The following AEN variants were observed in gnomAD, a reference collection of about 807,000 sequenced individuals.
AEN encodes the protein apoptosis-enhancing nuclease.
Under a neutral mutation model 17.7 loss-of-function variants are expected in AEN, and 21 were observed. The ratio of observed to expected loss-of-function variants is 1.19; its 90% CI spans 0.84 to 1.71. The LOEUF is 1.71. Ranked by LOEUF, AEN falls within the 40% of genes most tolerant of loss-of-function variation. The pLI, the probability that AEN is intolerant of heterozygous loss-of-function variation, is 0.00. For synonymous variants in AEN, 190 were observed against 173.0 expected (o/e 1.10, Z -0.77); for missense variants, 462 against 435.9 (o/e 1.06, Z -0.53).
chr15:88,630,239 AC>A lies in AEN; in HGVS notation c.925del (p.Leu309TrpfsTer62). The A allele has an allele frequency of 6.2e-7, 1 of 1,601,536 alleles. No homozygotes were observed. Among genetic ancestry groups the A allele is most frequent in the South Asian group, 1.1e-5 (1 of 89,286 alleles). On this transcript the variant is annotated frameshift_variant, in exon 4 of 4. Transcript: ENST00000332810. LOFTEE classifies it low-confidence loss of function (END_TRUNC). The surrounding 1 kb of genome is among the most constrained non-coding windows in gnomAD (Gnocchi z 5.1). ...ATGGAGGACCAGTACTGGCCCGATGACCTGGCCCACGGCAGCAGAGGAGGAG... is the reference window on the plus strand; with the variant it reads ...ATGGAGGACCAGTACTGGCCCGATGACTGGCCCACGGCAGCAGAGGAGGAG... ...QYMEDQYWPD[D>X]LAHGSRGGAR...
chr15:88,608,402 C>T, the AEN span, among the ~76,000 whole-genome samples: 1 of 152,204 alleles, frequency 6.6e-6, no homozygotes, highest in African/African-American at 2.4e-5. Context: ...GGCTTTTTTC[C>T]CCCTTCATTT....
chr15:88,629,905 A>C (rs3826039), intron 3 of AEN, among the ~76,000 whole-genome samples, 153 bp from the exon 4 acceptor site: 87,466 of 152,164 alleles, frequency 0.57, 29,165 homozygotes, highest in East Asian at 0.78. Flanking sequence ...TATGGTGTAC[A>C]GTTGAGGTTC....
At chr15:88,628,950 GT>G (rs1567105562) in intron 2 of AEN, 3 of 404,032 alleles carry the variant, frequency 7.4e-6, no homozygotes, top group East Asian at 9.6e-5. Context: ...CCATGACCTC[GT>G]TTAGTCCTTA....
the AEN span, among the ~76,000 whole-genome samples, chr15:88,608,553 T>G: frequency 6.6e-6 from 1 of 152,298 alleles, no homozygotes; most frequent in Non-Finnish European, 1.5e-5. Flanking sequence ...CTTTTGGAGA[T>G]GAAGATGGAA....
chr15:88,609,895 CG>C, the AEN span, among the ~76,000 whole-genome samples: 1 of 152,320 alleles, frequency 6.6e-6, no homozygotes, highest in South Asian at 2.1e-4. Flanking sequence ...TCATTTATCA[CG>C]GGCCAGGCTG....
chr15:88,617,330 T>C (rs1346734539), upstream of AEN, among the ~76,000 whole-genome samples: 1 of 152,190 alleles, frequency 6.6e-6, no homozygotes, highest in Non-Finnish European at 1.5e-5. Flanking sequence ...CTTGGCTCGC[T>C]GCAACCTCTA....
chr15:88,612,487 A>G, the AEN span, among the ~76,000 whole-genome samples: 1 of 152,180 alleles, frequency 6.6e-6, no homozygotes, highest in African/African-American at 2.4e-5. Context: ...TGGCCAAGGG[A>G]AAAAAGCCCA....
At chr15:88,627,454 TG>T (rs1163451800) in intron 2 of AEN, 2 of 131,614 alleles carry the variant, frequency 1.5e-5, no homozygotes, top group Admixed American at 8.5e-5. Context: ...TTACGCATCT[TG>T]TTTCTTTTTT....
the AEN span, chr15:88,604,849 G>C: frequency 6.6e-6 from 1 of 152,494 alleles, no homozygotes; most frequent in African/African-American, 2.4e-5. This position sits in a 1 kb window ranked among gnomAD's most constrained non-coding sequence, Gnocchi z 8.1. Flanking sequence ...CGGCTCCTGG[G>C]GGGAAGCAAA....
the AEN span, among the ~76,000 whole-genome samples, chr15:88,613,358 A>G: frequency 1.3e-5 from 2 of 152,172 alleles, no homozygotes; most frequent in Non-Finnish European, 2.9e-5. Context: ...AGCCAGTGGG[A>G]AGCCAGTCCT....
upstream of AEN, chr15:88,621,303 G>A (rs939950519): frequency 2.0e-5 from 3 of 152,374 alleles, no homozygotes; most frequent in Non-Finnish European, 2.9e-5. Flanking sequence ...GGCAGTCGGA[G>A]CCGGGCTTGC....
At chr15:88,608,400 T>TC in the AEN span, among the ~76,000 whole-genome samples, 1 of 152,204 alleles carries the variant, frequency 6.6e-6, no homozygotes. Flanking sequence ...ATGGCTTTTT[T>TC]CCCCCTTCAT....
the AEN span, among the ~76,000 whole-genome samples, chr15:88,609,051 T>A: frequency 6.6e-6 from 1 of 151,524 alleles, no homozygotes; most frequent in Non-Finnish European, 1.5e-5. Flanking sequence ...GGAAGAAGTC[T>A]TAATGTGAGT....
the AEN span, among the ~76,000 whole-genome samples, chr15:88,616,011 G>C: frequency 1.3e-5 from 2 of 152,140 alleles, no homozygotes; most frequent in African/African-American, 2.4e-5. Context: ...GTCAGAGCTT[G>C]GATCATGGGT....
At chr15:88,629,175 CA>C in intron 2 of AEN, 50 bp from the exon 3 acceptor site, 1 of 1,589,146 alleles carries the variant, frequency 6.3e-7, no homozygotes. Context: ...TGTCTCCTGC[CA>C]ACCTGATGGG....
chr15:88,608,075 T>C, the AEN span: 1 of 515,486 alleles, frequency 1.9e-6, no homozygotes, highest in Non-Finnish European at 4.1e-6. Flanking sequence ...GGACAAAGGG[T>C]CTACTTTCAA....
chr15:88,611,831 A>G, the AEN span: 2 of 520,306 alleles, frequency 3.8e-6, no homozygotes, highest in Non-Finnish European at 7.9e-6. Context: ...TGGCCTGGAT[A>G]CAGAGTGGAC....
upstream of AEN, among the ~76,000 whole-genome samples, chr15:88,617,243 A>G (rs1232654295): frequency 6.6e-6 from 1 of 151,966 alleles, no homozygotes; most frequent in African/African-American, 2.4e-5. Flanking sequence ...GGCATGTGCC[A>G]CCTTGCCTAG....
At chr15:88,611,208 G>A in the AEN span, among the ~76,000 whole-genome samples, 1 of 151,490 alleles carries the variant, frequency 6.6e-6, no homozygotes, top group Non-Finnish European at 1.5e-5. Flanking sequence ...TTTCTCTTCT[G>A]CATGGTGGTT....
Sources: allele counts gnomAD v4.1 joint callset (sites outside exome capture counted in the v4.1 genomes callset), GRCh38; gene constraint gnomAD v4.1.1; non-coding constraint Gnocchi (gnomAD v3.1); transcripts MANE v1.5; gene names NCBI Gene and HGNC (gene_info 2026-07-23, HGNC 2026-07-21).